The following ASPRV1 variants were observed in gnomAD, a reference collection of about 807,000 sequenced individuals.
ASPRV1 encodes retroviral-like aspartic protease 1.
Under a neutral mutation model 11.0 loss-of-function variants are expected in ASPRV1, and 7 were observed. That is an observed-to-expected ratio of 0.64 (90% CI 0.36 to 1.20). The LOEUF is 1.20. Among genes scored for constraint, ASPRV1 ranks in the 50% most tolerant of loss-of-function variants. The pLI is 0.02. For missense variants in ASPRV1, 299 were observed against 320.0 expected, an observed-to-expected ratio of 0.93 and a Z score of 0.50; for synonymous variants, 136 against 138.4, an observed-to-expected ratio of 0.98 and a Z score of 0.12.
At chr2:69,982,036 T>TATCC in the ASPRV1 span, among the ~76,000 whole-genome samples, 1,119 of 149,138 alleles carry the variant, frequency 7.5e-3, 7 homozygotes, top group South Asian at 0.02. Flanking sequence ...CCCTCTCATC[T>TATCC]ATCCATCCAT....
At chr2:70,047,699 GGAGAA>G in the ASPRV1 span, among the ~76,000 whole-genome samples, 2 of 152,206 alleles carry the variant, frequency 1.3e-5, no homozygotes, top group African/African-American at 4.8e-5. Context: ...AAGAGGGATT[GGAGAA>G]GAGATCAGGT....
the ASPRV1 span, among the ~76,000 whole-genome samples, chr2:70,073,523 T>C: frequency 7.4e-3 from 1,130 of 152,188 alleles, 19 homozygotes; most frequent in African/African-American, 0.026. Flanking sequence ...CATTTAATCT[T>C]TAACGATACT....
the ASPRV1 span, chr2:70,014,435 T>A: frequency 6.6e-6 from 1 of 151,446 alleles, no homozygotes; most frequent in Non-Finnish European, 1.5e-5. Flanking sequence ...ATAAAAAGCA[T>A]GGGGAAAAAA....
chr2:70,020,099 C>T, the ASPRV1 span, among the ~76,000 whole-genome samples: 5 of 151,756 alleles, frequency 3.3e-5, no homozygotes, highest in East Asian at 1.9e-4. Flanking sequence ...TAACAAGTGT[C>T]GCAACGATAT....
upstream of ASPRV1, among the ~76,000 whole-genome samples, chr2:69,965,665 G>T (rs561993650): frequency 6.6e-6 from 1 of 152,238 alleles, no homozygotes; most frequent in African/African-American, 2.4e-5. Context: ...GGCACCTGCA[G>T]TTTCCTTATC....
chr2:70,039,155 A>G, the ASPRV1 span, among the ~76,000 whole-genome samples: 1 of 152,156 alleles, frequency 6.6e-6, no homozygotes, highest in African/African-American at 2.4e-5. Context: ...GGGGTGGGCA[A>G]AAGTACTCTG....
the ASPRV1 span, among the ~76,000 whole-genome samples, chr2:70,072,896 T>TAAAAA: frequency 1.4e-5 from 1 of 70,332 alleles, no homozygotes; most frequent in African/African-American, 4.1e-5. Context: ...TATAAAAAAC[T>TAAAAA]AAAAAAAAAA....
chr2:70,018,421 C>A, the ASPRV1 span, among the ~76,000 whole-genome samples: 1 of 151,954 alleles, frequency 6.6e-6, no homozygotes, highest in Admixed American at 6.6e-5. Flanking sequence ...ATTGAAAAAA[C>A]AACTCTGAAA....
the ASPRV1 span, among the ~76,000 whole-genome samples, chr2:70,034,540 G>A: frequency 6.6e-6 from 1 of 150,708 alleles, no homozygotes; most frequent in Non-Finnish European, 1.5e-5. Flanking sequence ...CACTGCACTT[G>A]AGCCTGGGCG....
chr2:69,957,885 A>G (rs942580003), downstream of ASPRV1, among the ~76,000 whole-genome samples: 1 of 152,076 alleles, frequency 6.6e-6, no homozygotes, highest in Non-Finnish European at 1.5e-5. Flanking sequence ...CCTCCTTTCC[A>G]TCATTGCAAA....
At chr2:70,035,859 G>A in the ASPRV1 span, among the ~76,000 whole-genome samples, 2 of 151,200 alleles carry the variant, frequency 1.3e-5, no homozygotes, top group African/African-American at 2.4e-5. Flanking sequence ...CAAACCTAAT[G>A]ACTTCACAAA....
At chr2:69,937,671 G>A in the ASPRV1 span, among the ~76,000 whole-genome samples, 2 of 152,180 alleles carry the variant, frequency 1.3e-5, no homozygotes, top group Admixed American at 1.3e-4. Context: ...CTGGAGTGCA[G>A]TGGTGTGATC....
the ASPRV1 span, among the ~76,000 whole-genome samples, chr2:70,032,755 A>G: frequency 6.6e-6 from 1 of 152,148 alleles, no homozygotes; most frequent in African/African-American, 2.4e-5. Context: ...CTAATGATAT[A>G]TCCTACTCAG....
chr2:70,055,628 G>T, the ASPRV1 span: 1 of 152,162 alleles, frequency 6.6e-6, no homozygotes, highest in Non-Finnish European at 1.5e-5. Context: ...GGGCTGTTGG[G>T]GGGTGGGGGT....
At chr2:69,937,466 G>C in the ASPRV1 span, 1 of 1,410,548 alleles carries the variant, frequency 7.1e-7, no homozygotes. Flanking sequence ...CAGTACTGCG[G>C]ACAGGAGGCA....
At chr2:70,057,369 T>C in the ASPRV1 span, among the ~76,000 whole-genome samples, 28 of 152,332 alleles carry the variant, frequency 1.8e-4, no homozygotes, top group South Asian at 4.1e-4. Flanking sequence ...AATACAATTT[T>C]GCACTTTTCT....
chr2:70,017,504 T>G, the ASPRV1 span, among the ~76,000 whole-genome samples: 1 of 151,560 alleles, frequency 6.6e-6, no homozygotes, highest in Admixed American at 6.6e-5. Flanking sequence ...TTCAGACACT[T>G]CTATTGAAAA....
At chr2:69,972,079 T>G in the ASPRV1 span, among the ~76,000 whole-genome samples, 45 of 152,030 alleles carry the variant, frequency 3.0e-4, no homozygotes, top group African/African-American at 1.0e-3. Flanking sequence ...TTTTTTTTTT[T>G]GAGACGGAGT....
the ASPRV1 span, among the ~76,000 whole-genome samples, chr2:70,039,804 T>G: frequency 4.6e-5 from 7 of 152,320 alleles, no homozygotes; most frequent in African/African-American, 1.7e-4. Flanking sequence ...AGCTTAACCT[T>G]TAATTGTTCT....
Sources: allele counts gnomAD v4.1 joint callset (sites outside exome capture counted in the v4.1 genomes callset), GRCh38; gene constraint gnomAD v4.1.1; transcripts MANE v1.5; gene names NCBI Gene and HGNC (gene_info 2026-07-23, HGNC 2026-07-21).